The following DLG2 variants were observed in gnomAD, a reference collection of about 807,000 sequenced individuals.
DLG2 encodes disks large homolog 2.
Under a neutral mutation model 132.5 loss-of-function variants are expected in DLG2, and 45 were observed. The observed-to-expected ratio is 0.34, with a 90% CI of 0.27 to 0.44. The LOEUF is 0.44. Among genes scored for constraint, DLG2 ranks in the 20% least tolerant of loss-of-function variants. The probability of loss-of-function intolerance (pLI) is 1.00; values close to 1 mark genes in which losing one functional copy is unlikely to be tolerated. For synonymous variants in DLG2, 424 were observed against 419.6 expected (o/e 1.01, Z -0.13); for missense variants, 1,045 against 1,196.9 (o/e 0.87, Z 1.87).
intron 6 of DLG2, among the ~76,000 whole-genome samples, chr11:84,859,331 ATAGG>A (rs2083249215): frequency 6.8e-6 from 1 of 146,568 alleles, no homozygotes; most frequent in Non-Finnish European, 1.5e-5. Context: ...ATCTACATAT[ATAGG>A]TATATATGTA....
chr11:83,626,159 A>T (rs2062488877), intron 19 of DLG2, among the ~76,000 whole-genome samples: 1 of 152,228 alleles, frequency 6.6e-6, no homozygotes, highest in African/African-American at 2.4e-5. Flanking sequence ...GGACCAGAGC[A>T]GTCACTATCT....
At chr11:84,866,971 C>A (rs899893693) in intron 6 of DLG2, among the ~76,000 whole-genome samples, 4 of 152,114 alleles carry the variant, frequency 2.6e-5, no homozygotes, top group Admixed American at 1.3e-4. Flanking sequence ...TCTTGTATCC[C>A]TTGCACACAT....
intron 7 of DLG2, among the ~76,000 whole-genome samples, chr11:84,280,203 A>G (rs1393890294): frequency 1.3e-5 from 2 of 152,220 alleles, no homozygotes; most frequent in African/African-American, 4.8e-5. Context: ...CCAAAGATCA[A>G]TTGTGTCTCT....
intron 18 of DLG2, among the ~76,000 whole-genome samples, chr11:83,727,536 C>T (rs1198917973): frequency 6.6e-6 from 1 of 152,116 alleles, no homozygotes. Flanking sequence ...TTACTTGGCT[C>T]CCCTTTGCCT....
At chr11:83,771,356 AT>A (rs1256169856) in intron 18 of DLG2, among the ~76,000 whole-genome samples, 1 of 152,238 alleles carries the variant, frequency 6.6e-6, no homozygotes, top group Non-Finnish European at 1.5e-5. Context: ...AAATTCAAAT[AT>A]TTCTTTTTCT....
Position 84,206,983 on chromosome 11 carries a change from CAACT to C in DLG2, c.574-43476_574-43473del, listed in dbSNP as rs1327636941. 1.4e-4 allele frequency among the ~76,000 whole-genome samples: 21 copies of C among 151,540 alleles called. No homozygotes were observed. In the East Asian group the frequency reaches 2.3e-3, roughly 17 times the overall value. On this transcript the variant is annotated intron_variant, in intron 8 of 27. Transcript: ENST00000376104. ...ATTTGCATGTATGTATATTACCAAC[CAACT>C]GTTGGAAAATTAAATTTAAAAAATC...
At chr11:83,679,804 C>T (rs1296533466) in intron 18 of DLG2, among the ~76,000 whole-genome samples, 1 of 152,156 alleles carries the variant, frequency 6.6e-6, no homozygotes, top group African/African-American at 2.4e-5. Flanking sequence ...TCCCCTCCTC[C>T]ATTTTACAGA....
At chr11:85,330,661 A>C (rs2081638838) in intron 3 of DLG2, among the ~76,000 whole-genome samples, 1 of 104,674 alleles carries the variant, frequency 9.6e-6, no homozygotes, top group Non-Finnish European at 1.9e-5. Context: ...TAGCATTGGG[A>C]GATATACCTA....
At chr11:85,204,854 A>G (rs2081752199) in intron 4 of DLG2, among the ~76,000 whole-genome samples, 1 of 152,132 alleles carries the variant, frequency 6.6e-6, no homozygotes, top group African/African-American at 2.4e-5. Context: ...ATGAAACAGA[A>G]TAGAGAATCC....
intron 3 of DLG2, among the ~76,000 whole-genome samples, chr11:85,505,981 T>C (rs2093922438): frequency 6.6e-6 from 1 of 152,238 alleles, no homozygotes; most frequent in African/African-American, 2.4e-5. Flanking sequence ...TATCCATTTC[T>C]TCTAGATTTT....
At chr11:84,292,926 A>C (rs993050836) in intron 7 of DLG2, among the ~76,000 whole-genome samples, 1 of 152,186 alleles carries the variant, frequency 6.6e-6, no homozygotes, top group African/African-American at 2.4e-5. Flanking sequence ...AACAAAAAAA[A>C]ATTGCAAAAA....
At chr11:83,501,338 G>T (rs2094444578) in intron 21 of DLG2, among the ~76,000 whole-genome samples, 2 of 151,906 alleles carry the variant, frequency 1.3e-5, no homozygotes, top group Non-Finnish European at 2.9e-5. Context: ...GGCAGGAAAA[G>T]CTCTAGGGTC....
At chr11:83,483,151 G>A in intron 22 of DLG2, 1 of 891,238 alleles carries the variant, frequency 1.1e-6, no homozygotes. Flanking sequence ...CGTATCTTGT[G>A]CATGCTAGGA....
intron 6 of DLG2, among the ~76,000 whole-genome samples, chr11:84,916,207 G>GGC (rs1322957964): frequency 6.6e-6 from 1 of 151,206 alleles, no homozygotes. Flanking sequence ...AAATTAGCCG[G>GGC]GCGTAGTGGC....
At chr11:85,341,356 G>A (rs746516618) in intron 3 of DLG2, among the ~76,000 whole-genome samples, 9 of 152,088 alleles carry the variant, frequency 5.9e-5, no homozygotes, top group South Asian at 2.1e-4. Context: ...TCCTGACCTC[G>A]TGATCTGCCC....
chr11:83,624,798 A>C (rs145110460), intron 19 of DLG2, among the ~76,000 whole-genome samples: 1 of 152,206 alleles, frequency 6.6e-6, no homozygotes, highest in African/African-American at 2.4e-5. Context: ...GAGAAGCCAG[A>C]TCTACTTGGA....
chr11:85,083,867 G>GAA lies in DLG2; in HGVS notation c.357+27792_357+27793dup, dbSNP rs567609496. ...AGTTGTGCCTAAATTCTAAGGGGAGGAAGGTATAATGGGGCATGTTGACCA... is the reference window on the plus strand; with the variant it reads ...AGTTGTGCCTAAATTCTAAGGGGAGGAAAAGGTATAATGGGGCATGTTGACCA... On this transcript the variant is annotated intron_variant, in intron 6 of 27. Coordinates refer to ENST00000376104, the MANE Select transcript of DLG2 (RefSeq NM_001142699.3). Among the ~76,000 whole-genome samples the GAA allele has an allele frequency of 4.6e-3, 693 of 152,214 alleles. 4 individuals are homozygous for GAA. Among genetic ancestry groups the GAA allele is most frequent in the Non-Finnish European group, 7.2e-3 (489 of 68,018 alleles).
intron 18 of DLG2, among the ~76,000 whole-genome samples, chr11:83,679,883 C>G (rs1236066844): frequency 6.6e-6 from 1 of 152,144 alleles, no homozygotes; most frequent in Non-Finnish European, 1.5e-5. Flanking sequence ...TCCATTTACA[C>G]CTTGCTGAGC....
intron 3 of DLG2, among the ~76,000 whole-genome samples, chr11:85,580,566 ATTAAT>A (rs755009243): frequency 6.6e-6 from 1 of 152,246 alleles, no homozygotes; most frequent in Non-Finnish European, 1.5e-5. Flanking sequence ...CAATACACAT[ATTAAT>A]TTATTTTTCC....
Sources: gnomAD v4.1 joint callset for allele counts (sites outside exome capture counted in the v4.1 genomes callset) on GRCh38, gnomAD v4.1.1 for gene constraint, MANE v1.5 for transcripts, NCBI Gene and HGNC (gene_info 2026-07-23, HGNC 2026-07-21) for gene names.